The following NCOA3 variants were observed in gnomAD, a reference collection of about 807,000 sequenced individuals.
NCOA3 encodes the protein nuclear receptor coactivator 3.
A neutral mutation model predicts 158.8 loss-of-function variants in NCOA3; 51 were observed. The ratio of observed to expected loss-of-function variants is 0.32; its 90% CI spans 0.26 to 0.41. The LOEUF (loss-of-function observed/expected upper bound fraction) is 0.41, where lower values mean the gene tolerates loss of function less well. Among genes scored for constraint, NCOA3 ranks in the 10% least tolerant of loss-of-function variants. The pLI is 1.00. For synonymous variants in NCOA3, 537 were observed against 592.4 expected, an observed-to-expected ratio of 0.91 and a Z score of 1.36; for missense variants, 1,510 against 1,746.6, an observed-to-expected ratio of 0.86 and a Z score of 2.41.
At chr20:47,558,232 ATTTTTTTTTTTTTTTTT>A (rs71183263) in intron 1 of NCOA3, among the ~76,000 whole-genome samples, 1 of 55,536 alleles carries the variant, frequency 1.8e-5, no homozygotes, top group Non-Finnish European at 3.4e-5. Flanking sequence ...CTAATTTTGT[ATTTTTTTTTTTTTTTTT>A]TTTTTTTTTT....
At chr20:47,541,787 A>G (rs2084742500) in intron 1 of NCOA3, among the ~76,000 whole-genome samples, 1 of 151,970 alleles carries the variant, frequency 6.6e-6, no homozygotes, top group Non-Finnish European at 1.5e-5. Context: ...CAAACTCTAC[A>G]TTATTACATC....
rs899790581 is a variant in NCOA3 at position 47,656,645 on chromosome 20, G to A, written c.*3228G>A. The A allele has an allele frequency of 2.6e-5, 4 of 152,510 alleles. No individual in the cohort carries two copies. The highest frequency in any genetic ancestry group is 4.4e-5 in the Non-Finnish European group (3 of 68,004). The allele number at this position is 152,510 out of a possible 1,614,324, so 9.4% of individuals were successfully genotyped here. Reference sequence around the variant, plus strand: ...CTTCCTTTCTAATATATGGAGTTTCGAAGAATAAAATATGAGAGCAATATT... The same window carrying A: ...CTTCCTTTCTAATATATGGAGTTTCAAAGAATAAAATATGAGAGCAATATT... On this transcript the variant is annotated 3_prime_UTR_variant, in exon 23 of 23. Transcript: ENST00000371998.
chr20:47,526,019 G>A (rs3091535), intron 1 of NCOA3, among the ~76,000 whole-genome samples: 21,405 of 150,376 alleles, frequency 0.14, 2,150 homozygotes, highest in African/African-American at 0.29. Context: ...TGGCTGCTGG[G>A]CGGAGGGGCT....
At chr20:47,569,023 C>T (rs2085248881) in intron 1 of NCOA3, among the ~76,000 whole-genome samples, 1 of 151,158 alleles carries the variant, frequency 6.6e-6, no homozygotes, top group South Asian at 2.1e-4. Context: ...GTGATCACAG[C>T]TAACTATAAC....
intron 20 of NCOA3, 88 bp from the exon 21 acceptor site, chr20:47,652,318 A>T: frequency 5.7e-6 from 6 of 1,060,980 alleles, no homozygotes; most frequent in Admixed American, 2.6e-5. Flanking sequence ...CACCTCCTTT[A>T]AAAAAAAAAC....
chr20:47,530,985 C>T (rs1198117982), intron 1 of NCOA3, among the ~76,000 whole-genome samples: 1 of 152,048 alleles, frequency 6.6e-6, no homozygotes, highest in African/African-American at 2.4e-5. Flanking sequence ...AATTATCTAC[C>T]CTGTTTCATC....
intron 2 of NCOA3, among the ~76,000 whole-genome samples, chr20:47,583,714 G>A (rs2146222848): frequency 6.6e-6 from 1 of 152,378 alleles, no homozygotes; most frequent in Middle Eastern, 3.4e-3. Flanking sequence ...CTAGCACTTT[G>A]AGAGGCTGAG....
intron 2 of NCOA3, among the ~76,000 whole-genome samples, chr20:47,589,312 C>T (rs1049559750): frequency 6.6e-6 from 1 of 152,114 alleles, no homozygotes; most frequent in Non-Finnish European, 1.5e-5. Context: ...TTATATTTGC[C>T]AAAGTCTCTT....
chr20:47,590,379 G>T (rs780732267), intron 2 of NCOA3, among the ~76,000 whole-genome samples: 1 of 152,096 alleles, frequency 6.6e-6, no homozygotes, highest in African/African-American at 2.4e-5. Flanking sequence ...GGAGTGCAGT[G>T]GTATGATTGT....
Position 47,653,017 on chromosome 20 carries a change from G to A in NCOA3, c.4208G>A (p.Gly1403Glu). The stretch of plus-strand genomic sequence containing the variant: ...ATGAATGGCAGCAGTGGTCACATGG[G>A]ACAGATGAACATGAACCCCATGCCC... Reference protein sequence around the residue: ...VHMNGSSGHMGQMNMNPMPMS... With the variant: ...VHMNGSSGHMEQMNMNPMPMS... The change falls in exon 22 of 23, where the codon GGA (glycine) becomes GAA (glutamate). Residue 1403 changes from glycine (G) to glutamate (E), a missense_variant. This residue lies in a region of NCOA3 where 180 missense variants were observed against 199.3 expected (regional missense o/e 0.90). Transcript: ENST00000371998. The A allele has an allele frequency of 6.2e-7, 1 of 1,614,176 alleles. No homozygotes were observed. Among genetic ancestry groups the A allele is most frequent in the Non-Finnish European group, 8.5e-7 (1 of 1,180,036 alleles).
chr20:47,648,557 C>T (rs939561359), intron 18 of NCOA3, among the ~76,000 whole-genome samples: 3 of 152,046 alleles, frequency 2.0e-5, no homozygotes, highest in East Asian at 1.9e-4. Flanking sequence ...ACTGCAGCCT[C>T]GACCTCCCAG....
intron 6 of NCOA3, 78 bp from the exon 7 acceptor site, chr20:47,627,483 T>G: frequency 8.7e-7 from 1 of 1,150,596 alleles, no homozygotes; most frequent in Non-Finnish European, 1.3e-6. Flanking sequence ...AATGAGAAAA[T>G]GCAGCTTGAA....
At chr20:47,650,037 C>T (rs1336415974) in intron 19 of NCOA3, among the ~76,000 whole-genome samples, 1 of 151,882 alleles carries the variant, frequency 6.6e-6, no homozygotes. Context: ...TTTCAGCCCT[C>T]CACCACCCCA....
In NCOA3 at chr20:47,624,103, C is replaced by G; in HGVS notation, c.256+20C>G. 1 of 1,585,802 alleles carries G rather than the reference C, an allele frequency of 6.3e-7. No individual in the cohort carries two copies. The highest frequency in any genetic ancestry group is 8.6e-7 in the Non-Finnish European group (1 of 1,166,326). Reference sequence around the variant, plus strand: ...AGCAAGGTAATAAAAACACTCATGTCTTTTTGAACAGTGGTGGTTCCCAAC... The same window carrying G: ...AGCAAGGTAATAAAAACACTCATGTGTTTTTGAACAGTGGTGGTTCCCAAC... On this transcript the variant is annotated intron_variant, in intron 4 of 22. Coordinates refer to ENST00000371998, the MANE Select transcript of NCOA3 (RefSeq NM_181659.3).
Position 47,652,599 on chromosome 20 carries a change from T to A in NCOA3, c.4121+19T>A, listed in dbSNP as rs750763377. ...GGAACAGGTAAAGAACAGTGACTTA[T>A]AAAGTTAGTCACATCCTAGTCCCAG... is the stretch of plus-strand genomic sequence containing the variant. On this transcript the variant is annotated intron_variant, in intron 21 of 22. Coordinates refer to ENST00000371998, the MANE Select transcript of NCOA3 (RefSeq NM_181659.3). 6.3e-7 allele frequency: 1 copy of A among 1,591,362 alleles called. No homozygotes were observed. Among genetic ancestry groups the A allele is most frequent in the Non-Finnish European group, 8.6e-7 (1 of 1,161,322 alleles).
In NCOA3 at chr20:47,637,761, G is replaced by A; in HGVS notation, c.2490G>A (p.Val830=). 6.3e-7 allele frequency: 1 copy of A among 1,592,804 alleles called. No homozygotes were observed. The highest frequency in any genetic ancestry group is 1.1e-5 in the South Asian group (1 of 87,684). ...GTCATCTGGGGACTAAGCAACAGGT[G>A]TTTCAAGGAACTAATTCTCTGGGTA... ...NGSHLGTKQQ[V]FQGTNSLGLK... The change falls in exon 13 of 23, where the codon GTG becomes GTA. Residue 830 remains valine, a synonymous_variant. Transcript: ENST00000371998.
chr20:47,547,882 ATTATTTTATT>A (rs922251633), intron 1 of NCOA3, among the ~76,000 whole-genome samples: 1 of 151,600 alleles, frequency 6.6e-6, no homozygotes, highest in African/African-American at 2.4e-5. Context: ...CCCCCTGCTA[ATTATTTTATT>A]TTATTTTATT....
chr20:47,519,711 T>C (rs2084295136), intron 1 of NCOA3, among the ~76,000 whole-genome samples: 1 of 152,144 alleles, frequency 6.6e-6, no homozygotes, highest in Non-Finnish European at 1.5e-5. Flanking sequence ...GAGGATTGCC[T>C]GAGACCAGGA....
chr20:47,561,244 G>A (rs2085099954), intron 1 of NCOA3, among the ~76,000 whole-genome samples: 1 of 150,634 alleles, frequency 6.6e-6, no homozygotes, highest in African/African-American at 2.4e-5. Context: ...TAAAGTGCTG[G>A]GATTATGGGC....
Sources: gnomAD v4.1 joint callset for allele counts (sites outside exome capture counted in the v4.1 genomes callset) on GRCh38, gnomAD v4.1.1 for gene constraint, gnomAD v4.1.1 regional missense constraint, MANE v1.5 for transcripts, NCBI Gene and HGNC (gene_info 2026-07-23, HGNC 2026-07-21) for gene names.